Variants in EPB41L3 observed in about 807,000 individuals in gnomAD.
EPB41L3 encodes erythrocyte membrane protein band 4.1 like 3, also known as band 4.1-like protein 3.
Under a neutral mutation model 127.1 loss-of-function variants are expected in EPB41L3, and 57 were observed. The ratio of observed to expected loss-of-function variants is 0.45; its 90% CI spans 0.36 to 0.56. The LOEUF is 0.56. Among genes scored for constraint, EPB41L3 ranks in the 20% least tolerant of loss-of-function variants. The probability of loss-of-function intolerance (pLI) is 0.00; values close to 1 mark genes in which losing one functional copy is unlikely to be tolerated. For missense variants in EPB41L3, 1,273 were observed against 1,372.2 expected, an observed-to-expected ratio of 0.93 and a Z score of 1.14; for synonymous variants, 572 against 549.5, an observed-to-expected ratio of 1.04 and a Z score of -0.57.
chr18:5,420,222 G>A (rs568827657), intron 11 of EPB41L3: 1 of 357,082 alleles, frequency 2.8e-6, no homozygotes, highest in South Asian at 2.8e-5. Context: ...GGGTCATGAG[G>A]CGAGGCTGCC....
intron 3 of EPB41L3, among the ~76,000 whole-genome samples, chr18:5,575,351 C>G (rs1440673916): frequency 2.0e-5 from 3 of 152,098 alleles, no homozygotes; most frequent in African/African-American, 7.2e-5. Flanking sequence ...GGGTGGATCC[C>G]TCATGAATGG....
intron 1 of EPB41L3, among the ~76,000 whole-genome samples, chr18:5,530,254 T>C (rs935987367): frequency 1.3e-5 from 2 of 152,114 alleles, no homozygotes; most frequent in Non-Finnish European, 2.9e-5. Flanking sequence ...AAGTGAAGTT[T>C]CTAAGTTTAA....
intron 3 of EPB41L3, 49 bp from the exon 4 acceptor site, chr18:5,445,293 T>G: frequency 7.1e-7 from 1 of 1,417,252 alleles, no homozygotes; most frequent in South Asian, 1.2e-5. Context: ...CAAAGAAAGT[T>G]CTCCCAAATA....
rs745397626 is a variant in EPB41L3 at position 5,406,731 on chromosome 18, G to T, written c.2349+46C>A. The T allele has an allele frequency of 2.6e-6, 4 of 1,529,192 alleles. No homozygotes were observed. The Admixed American group carries it at 7.1e-5, about 27-fold the overall frequency. 94.7% of individuals were successfully genotyped at this position (1,529,192 alleles called of 1,614,324 possible). ...AATTCCACACCCTGTAGAGAAGGAAGGCGGGTAAACAGAATACGAGTCTGA... is the reference window on the plus strand; with the variant it reads ...AATTCCACACCCTGTAGAGAAGGAATGCGGGTAAACAGAATACGAGTCTGA... On this transcript the variant is annotated intron_variant, in intron 16 of 22. Coordinates refer to ENST00000341928, the MANE Select transcript of EPB41L3 (RefSeq NM_012307.5).
intron 3 of EPB41L3, among the ~76,000 whole-genome samples, chr18:5,577,136 G>A (rs1478293524): frequency 6.6e-6 from 1 of 152,208 alleles, no homozygotes; most frequent in African/African-American, 2.4e-5. Flanking sequence ...AAAAACTAGA[G>A]AACAATTAGC....
chr18:5,393,702 C>A, intron 22 of EPB41L3: 2 of 442,924 alleles, frequency 4.5e-6, no homozygotes, highest in South Asian at 4.7e-5. Context: ...ATTTTTTTTG[C>A]TATCGTCCAA....
At chr18:5,515,198 T>G (rs777730076) in intron 1 of EPB41L3, among the ~76,000 whole-genome samples, 1 of 152,196 alleles carries the variant, frequency 6.6e-6, no homozygotes, top group Non-Finnish European at 1.5e-5. Context: ...CCTAAGGGGC[T>G]TCCCAGTCTA....
At chr18:5,606,934 G>GTC (rs1208077192) in intron 3 of EPB41L3, among the ~76,000 whole-genome samples, 2 of 137,122 alleles carry the variant, frequency 1.5e-5, no homozygotes, top group African/African-American at 2.7e-5. Flanking sequence ...CTCTCTCTCC[G>GTC]TCTCTCTCTC....
At chr18:5,593,722 T>C (rs1325358520) in intron 3 of EPB41L3, among the ~76,000 whole-genome samples, 1 of 152,010 alleles carries the variant, frequency 6.6e-6, no homozygotes, top group East Asian at 1.9e-4. Context: ...ATCCCTAAGG[T>C]CTCAACCATA....
chr18:5,477,932 G>A (rs1051398146), intron 3 of EPB41L3, among the ~76,000 whole-genome samples: 40 of 152,184 alleles, frequency 2.6e-4, no homozygotes, highest in African/African-American at 7.0e-4. Context: ...ATAATAGCTC[G>A]CAGTCAGGAT....
At chr18:5,623,185 C>T (rs920532038) in intron 1 of EPB41L3, among the ~76,000 whole-genome samples, 4 of 152,102 alleles carry the variant, frequency 2.6e-5, no homozygotes, top group African/African-American at 7.2e-5. Flanking sequence ...ATATGAATCA[C>T]ACACGTGTGA....
intron 1 of EPB41L3, among the ~76,000 whole-genome samples, chr18:5,514,437 G>A (rs536655230): frequency 6.6e-6 from 1 of 152,238 alleles, no homozygotes; most frequent in African/African-American, 2.4e-5. Context: ...TGACTGGATT[G>A]CTCTTGGAAT....
At chr18:5,565,628 C>G (rs1156716792) in intron 3 of EPB41L3, among the ~76,000 whole-genome samples, 1 of 130,274 alleles carries the variant, frequency 7.7e-6, no homozygotes, top group South Asian at 2.8e-4. Context: ...CTCCCCCCAC[C>G]CCACAACAGG....
chr18:5,462,661 C>T (rs1444665214), intron 3 of EPB41L3, among the ~76,000 whole-genome samples: 1 of 152,066 alleles, frequency 6.6e-6, no homozygotes, highest in Non-Finnish European at 1.5e-5. Flanking sequence ...CAAAGCTGTC[C>T]CCACTCCCTA....
chr18:5,621,630 A>G (rs1478352480), intron 1 of EPB41L3, among the ~76,000 whole-genome samples: 2 of 152,178 alleles, frequency 1.3e-5, no homozygotes, highest in Middle Eastern at 3.2e-3. Flanking sequence ...GGTCTCAGCT[A>G]TTCGGGAGGC....
At position 5,610,668 on chromosome 18, in the gene EPB41L3, C is replaced by A. The variant is rs541954428; in HGVS notation, c.-306+1672G>T. 4.0e-5 allele frequency among the ~76,000 whole-genome samples: 6 copies of A among 151,102 alleles called. No homozygotes were observed. In the South Asian group the frequency reaches 1.1e-3, roughly 27 times the overall value. ...AAAGTGATTTACACATTCCAACAAGCATTTGACTAAAACAATTCTAATTAC... is the reference window on the plus strand; with the variant it reads ...AAAGTGATTTACACATTCCAACAAGAATTTGACTAAAACAATTCTAATTAC... On this transcript the variant is annotated intron_variant, in intron 3 of 21. Coordinates refer to the EPB41L3 transcript ENST00000545076.
rs111884973 is a variant in EPB41L3 at position 5,447,938 on chromosome 18, T to C, written c.382-2694A>G. ...TAGTCCACACTGAAGATTTTTTTTTTCTAATCCTTAGAGCTAAGACCAGTT... is the reference window on the plus strand; with the variant it reads ...TAGTCCACACTGAAGATTTTTTTTTCCTAATCCTTAGAGCTAAGACCAGTT... On this transcript the variant is annotated intron_variant, in intron 3 of 22. Transcript: ENST00000341928. Among the ~76,000 whole-genome samples the C allele has an allele frequency of 4.2e-3, 645 of 152,356 alleles. 10 individuals carry two copies. The South Asian group carries it at 0.051, about 12-fold the overall frequency.
intron 1 of EPB41L3, among the ~76,000 whole-genome samples, chr18:5,627,835 T>C (rs903195002): frequency 6.6e-6 from 1 of 152,246 alleles, no homozygotes; most frequent in East Asian, 1.9e-4. Context: ...TTTATACCTC[T>C]GCTCCTCAGT....
chr18:5,600,947 C>T (rs1408140460), intron 3 of EPB41L3, among the ~76,000 whole-genome samples: 1 of 152,144 alleles, frequency 6.6e-6, no homozygotes. Flanking sequence ...TGCTCTCATG[C>T]TGTAAAGGGC....
Sources: allele counts gnomAD v4.1 joint callset (sites outside exome capture counted in the v4.1 genomes callset), GRCh38; gene constraint gnomAD v4.1.1; transcripts MANE v1.5; gene names NCBI Gene and HGNC (gene_info 2026-07-23, HGNC 2026-07-21).